TSPAN11: variants seen among roughly 807,000 people sequenced by gnomAD.
TSPAN11 encodes the protein tetraspanin-11.
Under a neutral mutation model 32.9 loss-of-function variants are expected in TSPAN11, and 29 were observed. The ratio of observed to expected loss-of-function variants is 0.88; its 90% CI spans 0.66 to 1.20. The LOEUF (loss-of-function observed/expected upper bound fraction) is 1.20, where lower values mean the gene tolerates loss of function less well. Among genes scored for constraint, TSPAN11 ranks in the 50% most tolerant of loss-of-function variants. The pLI, the probability that TSPAN11 is intolerant of heterozygous loss-of-function variation, is 0.00. For synonymous variants in TSPAN11, 140 were observed against 141.3 expected (o/e 0.99, Z 0.07); for missense variants, 283 against 329.1 (o/e 0.86, Z 1.08).
rs760002135 is a variant in TSPAN11 at position 30,993,702 on chromosome 12, AACTG to A, written c.*1791_*1794del. 6.6e-6 allele frequency: 1 copy of A among 152,250 alleles called. No individual in the cohort carries two copies. The highest frequency in any genetic ancestry group is 1.5e-5 in the Non-Finnish European group (1 of 68,056). 9.4% of individuals were successfully genotyped at this position (152,250 alleles called of 1,614,324 possible). On this transcript the variant is annotated 3_prime_UTR_variant, in exon 8 of 8. Transcript: ENST00000546076. ...CCTGGGATTCATGCAGATAATCAAA[AACTG>A]ACTATGACTCCCAAGTTCTCTGAAG... is the stretch of plus-strand genomic sequence containing the variant.
intron 1 of TSPAN11, among the ~76,000 whole-genome samples, chr12:30,933,546 C>T (rs12313293): frequency 0.13 from 20,090 of 152,206 alleles, 1,352 homozygotes; most frequent in African/African-American, 0.14. Flanking sequence ...CCTACCTCTG[C>T]CCAGGATGGT....
At chr12:30,997,806 C>T (rs967881237), downstream of TSPAN11, among the ~76,000 whole-genome samples, 4 of 152,274 alleles carry the variant, frequency 2.6e-5, no homozygotes, top group South Asian at 8.3e-4. Context: ...TGAGAGCTGA[C>T]CCACACAGCT....
At chr12:30,988,528 A>T (rs1335277362) in intron 7 of TSPAN11, 1 of 152,096 alleles carries the variant, frequency 6.6e-6, no homozygotes. Context: ...GGTGGAGGTT[A>T]CAGTGAGCCA....
At chr12:30,933,070 G>A (rs550272116) in intron 1 of TSPAN11, among the ~76,000 whole-genome samples, 1 of 152,144 alleles carries the variant, frequency 6.6e-6, no homozygotes, top group African/African-American at 2.4e-5. Flanking sequence ...ACTGACCCCT[G>A]CCAGAGCCGC....
intron 1 of TSPAN11, among the ~76,000 whole-genome samples, chr12:30,941,832 T>C (rs1938171136): frequency 6.6e-6 from 1 of 152,262 alleles, no homozygotes. Context: ...CTCCTTTTGC[T>C]GCGCCTTGCT....
At chr12:30,960,761 A>C (rs557870422) in intron 2 of TSPAN11, among the ~76,000 whole-genome samples, 2 of 151,924 alleles carry the variant, frequency 1.3e-5, no homozygotes, top group Non-Finnish European at 2.9e-5. Context: ...GTTATTGCCC[A>C]GGCGCGCTGG....
the TSPAN11 span, among the ~76,000 whole-genome samples, chr12:31,002,262 C>G: frequency 6.6e-6 from 1 of 152,144 alleles, no homozygotes. The surrounding 1 kb of genome is among the most constrained non-coding windows in gnomAD (Gnocchi z 4.8). Context: ...TTCACGTGGA[C>G]CTGGCCACCC....
chr12:30,997,267 A>G (rs1023132534), downstream of TSPAN11: 1 of 152,226 alleles, frequency 6.6e-6, no homozygotes, highest in Non-Finnish European at 1.5e-5. Context: ...TGTCTTCTAT[A>G]ATATAAAACG....
Position 30,994,997 on chromosome 12 carries a change from CA to C in TSPAN11, c.*3083del, listed in dbSNP as rs1939388911. On this transcript the variant is annotated 3_prime_UTR_variant, in exon 8 of 8. Coordinates refer to ENST00000546076, the MANE Select transcript of TSPAN11 (RefSeq NM_001370302.1). ...TGTCATTAAGGAACAGAGTGTCACT[CA>C]GGGGGCACTGTCACAAAGCAGCACC... 1 of 152,168 alleles carries C rather than the reference CA, an allele frequency of 6.6e-6. No homozygotes were observed. The highest frequency in any genetic ancestry group is 1.5e-5 in the Non-Finnish European group (1 of 68,052). The allele number at this position is 152,168 out of a possible 1,614,324, so 9.4% of individuals were successfully genotyped here. A position where few individuals can be genotyped will look rare whatever the true frequency, so the allele number is the denominator to read the frequency against.
At chr12:30,947,005 G>C (rs1477257506) in intron 1 of TSPAN11, among the ~76,000 whole-genome samples, 2 of 152,136 alleles carry the variant, frequency 1.3e-5, no homozygotes, top group African/African-American at 2.4e-5. Flanking sequence ...ACTTAGGAAG[G>C]CCCGTCTGCT....
At chr12:30,927,597 G>C (rs2140264535) in intron 1 of TSPAN11, among the ~76,000 whole-genome samples, 1 of 152,134 alleles carries the variant, frequency 6.6e-6, no homozygotes, top group South Asian at 2.1e-4. Flanking sequence ...GGGGTGGGGG[G>C]TGAGGAGAAG....
chr12:30,964,182 A>G (rs2140293277), intron 3 of TSPAN11, among the ~76,000 whole-genome samples, 165 bp downstream of exon 3: 1 of 152,262 alleles, frequency 6.6e-6, no homozygotes, highest in Non-Finnish European at 1.5e-5. Context: ...CACGGTCTCC[A>G]GGTTCTTAGG....
downstream of TSPAN11, among the ~76,000 whole-genome samples, chr12:31,000,436 T>C (rs913237909): frequency 3.7e-4 from 56 of 152,334 alleles, no homozygotes; most frequent in African/African-American, 1.3e-3. Flanking sequence ...CTTGCCAAGC[T>C]CCTATCCTGG....
At chr12:30,936,566 A>C (rs1446009065) in intron 1 of TSPAN11, among the ~76,000 whole-genome samples, 3 of 152,192 alleles carry the variant, frequency 2.0e-5, no homozygotes, top group African/African-American at 7.2e-5. Flanking sequence ...TGGGTTCGCA[A>C]GATGTTCATT....
chr12:30,948,245 G>C (rs1938309184), intron 1 of TSPAN11, among the ~76,000 whole-genome samples: 1 of 152,214 alleles, frequency 6.6e-6, no homozygotes, highest in Admixed American at 6.5e-5. Flanking sequence ...CAAGCTGTTG[G>C]TGGATCTACC....
At chr12:30,955,469 T>A (rs1041586883) in intron 2 of TSPAN11, among the ~76,000 whole-genome samples, 2 of 152,254 alleles carry the variant, frequency 1.3e-5, no homozygotes, top group Non-Finnish European at 2.9e-5. Flanking sequence ...AAGTCTTATG[T>A]ATCCACTACA....
intron 6 of TSPAN11, 99 bp from the exon 7 acceptor site, chr12:30,982,962 CTCT>C: frequency 1.2e-5 from 16 of 1,329,214 alleles, no homozygotes; most frequent in Non-Finnish European, 1.7e-5. Flanking sequence ...CCTGTGAGTC[CTCT>C]GGCCAGTCCT....
intron 1 of TSPAN11, among the ~76,000 whole-genome samples, chr12:30,950,523 C>G (rs1035057254): frequency 1.4e-4 from 22 of 152,208 alleles, no homozygotes; most frequent in African/African-American, 4.6e-4. Flanking sequence ...ATGGGATGCT[C>G]TCACACCCCT....
At chr12:30,944,106 T>G (rs1488200953) in intron 1 of TSPAN11, among the ~76,000 whole-genome samples, 1 of 149,008 alleles carries the variant, frequency 6.7e-6, no homozygotes, top group African/African-American at 2.5e-5. Flanking sequence ...GAGAGTTTTC[T>G]TTTTTTTTTA....
Sources: allele counts gnomAD v4.1 joint callset (sites outside exome capture counted in the v4.1 genomes callset), GRCh38; gene constraint gnomAD v4.1.1; non-coding constraint Gnocchi (gnomAD v3.1); transcripts MANE v1.5; gene names NCBI Gene and HGNC (gene_info 2026-07-23, HGNC 2026-07-21).